The following KDM6A variants were observed in gnomAD, a reference collection of about 807,000 sequenced individuals.
KDM6A encodes the protein lysine-specific demethylase 6A.
In KDM6A, 11 loss-of-function variants were observed where a neutral mutation model predicts 117.6. That is an observed-to-expected ratio of 0.09 (90% CI 0.06 to 0.15). The LOEUF is 0.15. Among genes scored for constraint, KDM6A ranks in the 10% least tolerant of loss-of-function variants. The probability of loss-of-function intolerance (pLI) is 1.00; values close to 1 mark genes in which losing one functional copy is unlikely to be tolerated. For missense variants in KDM6A, 799 were observed against 1,077.3 expected (o/e 0.74, Z 3.62); for synonymous variants, 384 against 396.1 (o/e 0.97, Z 0.36).
At chrX:44,881,880 G>A (rs1204681274) in intron 2 of KDM6A, among the ~76,000 whole-genome samples, 1 of 110,050 alleles carries the variant, frequency 9.1e-6, no homozygotes, top group Non-Finnish European at 1.9e-5. Context: ...TAGAGATGGG[G>A]TTTCACTGTG....
chrX:44,991,043 T>C lies in KDM6A; in HGVS notation c.384+16328T>C, dbSNP rs185485690. On this transcript the variant is annotated intron_variant, in intron 4 of 29. Transcript: ENST00000611820. ...GTTAAACTCTCTGGGATTGGTAATATGTCTTTTTGGGAAGATTTTATACTA... is the reference window on the plus strand; with the variant it reads ...GTTAAACTCTCTGGGATTGGTAATACGTCTTTTTGGGAAGATTTTATACTA... Among the ~76,000 whole-genome samples the C allele has an allele frequency of 2.3e-4, 26 of 112,225 alleles. 1 individual carries two copies. In the Admixed American group the frequency reaches 2.5e-3, roughly 11 times the overall value.
intron 2 of KDM6A, among the ~76,000 whole-genome samples, chrX:44,940,907 T>C (rs987847612): frequency 5.4e-5 from 6 of 111,036 alleles, no homozygotes; most frequent in Admixed American, 4.8e-4. Context: ...TGGTGGCGTA[T>C]GCCTGTAATC....
intron 8 of KDM6A, among the ~76,000 whole-genome samples, chrX:45,047,372 CTT>C (rs551917538): frequency 3.4e-5 from 3 of 87,590 alleles, no homozygotes; most frequent in African/African-American, 1.1e-4. Context: ...TAGATGCTTT[CTT>C]TTTTTTTTTT....
At chrX:44,880,195 AT>A (rs1486608281) in intron 2 of KDM6A, among the ~76,000 whole-genome samples, 1 of 107,367 alleles carries the variant, frequency 9.3e-6, no homozygotes, top group Non-Finnish European at 1.9e-5. Context: ...AAAAAATCAC[AT>A]TTTAGCTTTT....
intron 18 of KDM6A, among the ~76,000 whole-genome samples, chrX:45,071,444 A>G (rs905406360): frequency 8.9e-6 from 1 of 111,970 alleles, no homozygotes; most frequent in African/African-American, 3.2e-5. Flanking sequence ...ATTGTTATGT[A>G]AAAGTGTGAT....
chrX:45,073,341 G>A (rs758118594), intron 18 of KDM6A, among the ~76,000 whole-genome samples: 7 of 111,573 alleles, frequency 6.3e-5, no homozygotes, highest in Middle Eastern at 4.6e-3. Context: ...ATACGTGTGC[G>A]TGTGTCTTTA....
chrX:44,953,288 A>T (rs963402853), intron 2 of KDM6A, among the ~76,000 whole-genome samples: 1 of 111,007 alleles, frequency 9.0e-6, no homozygotes, highest in Non-Finnish European at 1.9e-5. Context: ...GATTCTACCC[A>T]AGTAGGCAGA....
At chrX:44,950,261 G>A (rs1416499961) in intron 2 of KDM6A, among the ~76,000 whole-genome samples, 3 of 110,915 alleles carry the variant, frequency 2.7e-5, no homozygotes, top group African/African-American at 6.5e-5. Flanking sequence ...TGATCCACCC[G>A]CCTCGGCCTC....
intron 6 of KDM6A, among the ~76,000 whole-genome samples, chrX:45,029,144 A>C (rs774283643): frequency 8.9e-6 from 1 of 111,989 alleles, no homozygotes; most frequent in East Asian, 2.8e-4. Flanking sequence ...ATTTAGAAAA[A>C]GGTTGTGTGG....
At chrX:45,083,120 GCA>G (rs933967207) in intron 23 of KDM6A, among the ~76,000 whole-genome samples, 1 of 109,110 alleles carries the variant, frequency 9.2e-6, no homozygotes, top group African/African-American at 3.3e-5. Flanking sequence ...AAACTTTTCT[GCA>G]GTTTTTCATC....
chrX:44,952,726 C>T (rs1459287102), intron 2 of KDM6A, among the ~76,000 whole-genome samples: 8 of 111,386 alleles, frequency 7.2e-5, no homozygotes, highest in Non-Finnish European at 1.1e-4. Context: ...TTTCTTCCCT[C>T]CATCCTTTTT....
chrX:45,067,762 C>T (rs1377226784), intron 17 of KDM6A, among the ~76,000 whole-genome samples: 1 of 105,980 alleles, frequency 9.4e-6, no homozygotes, highest in Admixed American at 1.0e-4. Flanking sequence ...AAGTGATTCT[C>T]CTGCCTCAGC....
At chrX:44,885,298 T>A (rs2032754775) in intron 2 of KDM6A, among the ~76,000 whole-genome samples, 1 of 109,554 alleles carries the variant, frequency 9.1e-6, no homozygotes, top group African/African-American at 3.3e-5. Flanking sequence ...AGTGCTGGGA[T>A]TACAGGCATG....
intron 2 of KDM6A, among the ~76,000 whole-genome samples, chrX:44,937,175 G>T (rs2037019344): frequency 9.1e-6 from 1 of 110,003 alleles, no homozygotes; most frequent in South Asian, 3.9e-4. Context: ...AGATTTTGTA[G>T]ATACTGAAAT....
chrX:44,914,348 G>A (rs1345893167), intron 2 of KDM6A, among the ~76,000 whole-genome samples: 3 of 111,933 alleles, frequency 2.7e-5, no homozygotes, highest in African/African-American at 9.8e-5. Context: ...AAAGTGCACC[G>A]TACTTAGCAG....
At chrX:45,029,806 C>G (rs1225587965) in intron 6 of KDM6A, among the ~76,000 whole-genome samples, 1 of 110,727 alleles carries the variant, frequency 9.0e-6, no homozygotes, top group Non-Finnish European at 1.9e-5. Context: ...ATTTTGTGTA[C>G]ATAGGTTAGA....
intron 27 of KDM6A, among the ~76,000 whole-genome samples, chrX:45,093,244 A>G (rs2045961830): frequency 9.6e-6 from 1 of 103,862 alleles, no homozygotes; most frequent in Non-Finnish European, 2.0e-5. Context: ...TTAGCCGGGC[A>G]TGGTGATGGG....
chrX:45,059,244 C>T lies in KDM6A; in HGVS notation c.975-3C>T, dbSNP rs1569532980. ...CTTATTTTTTCTTAATTTCTCTTTC[C>T]AGTGTGCTATATCAGCAGCAAAATC... On this transcript the variant is annotated splice_region_variant and splice_polypyrimidine_tract_variant and intron_variant, in intron 11 of 29. Transcript: ENST00000611820. 7 of 1,206,275 alleles carry T rather than the reference C, an allele frequency of 5.8e-6. No individual in the cohort carries two copies. The highest frequency in any genetic ancestry group is 3.5e-5 in the African/African-American group (2 of 56,914).
intron 3 of KDM6A, among the ~76,000 whole-genome samples, chrX:44,969,608 G>C (rs2039231014): frequency 9.2e-6 from 1 of 108,919 alleles, no homozygotes; most frequent in Non-Finnish European, 1.9e-5. Flanking sequence ...AGTAGAGACA[G>C]GGTTTCACCG....
Sources: gnomAD v4.1 joint callset for allele counts (sites outside exome capture counted in the v4.1 genomes callset) on GRCh38, gnomAD v4.1.1 for gene constraint, MANE v1.5 for transcripts, NCBI Gene and HGNC (gene_info 2026-07-23, HGNC 2026-07-21) for gene names.